The following CHM variants were observed in gnomAD, a reference collection of about 807,000 sequenced individuals.
The protein encoded by CHM is CHM Rab escort protein, also known as rab proteins geranylgeranyltransferase component A 1.
In CHM, 10 loss-of-function variants were observed where a neutral mutation model predicts 49.0. That is an observed-to-expected ratio of 0.20 (90% confidence interval 0.13 to 0.35). The LOEUF (loss-of-function observed/expected upper bound fraction) is 0.35. Among genes scored for constraint, CHM ranks in the 10% least tolerant of loss-of-function variants. CHM has a pLI of 1.00. For synonymous variants in CHM, 184 were observed against 167.5 expected, an observed-to-expected ratio of 1.10 and a Z score of -0.76; for missense variants, 455 against 478.4, an observed-to-expected ratio of 0.95 and a Z score of 0.46.
chrX:85,885,107 T>C (rs1404969679), intron 12 of CHM, among the ~76,000 whole-genome samples: 1 of 110,440 alleles, frequency 9.1e-6, no homozygotes, highest in East Asian at 2.8e-4. Context: ...ATGGACGAAT[T>C]TGAGTAGTAG....
At chrX:85,980,767 C>T (rs113800143) in intron 3 of CHM, among the ~76,000 whole-genome samples, 4,563 of 110,915 alleles carry the variant, frequency 0.041, 253 homozygotes, top group African/African-American at 0.14. Context: ...TAAAAGTTGG[C>T]AAGCTCCATA....
intron 8 of CHM, among the ~76,000 whole-genome samples, chrX:85,913,313 C>CAAAAAA (rs1169192160): frequency 1.2e-4 from 1 of 8,056 alleles, no homozygotes; most frequent in African/African-American, 3.9e-4. Context: ...AAGACTCTGT[C>CAAAAAA]AAAAAAAAAA....
At chrX:85,911,440 G>GA (rs1257837258) in intron 8 of CHM, 102 bp from the exon 9 acceptor site, 5 of 332,806 alleles carry the variant, frequency 1.5e-5, no homozygotes, top group South Asian at 1.4e-4. Context: ...TGGTATTACA[G>GA]AAAAAACATT....
intron 3 of CHM, among the ~76,000 whole-genome samples, chrX:85,980,012 A>T (rs914102330): frequency 4.5e-5 from 5 of 111,830 alleles, no homozygotes; most frequent in Non-Finnish European, 7.5e-5. Flanking sequence ...GGGAATGGAG[A>T]GACAAAGACA....
chrX:86,007,426 A>C (rs1189805988), intron 2 of CHM, among the ~76,000 whole-genome samples: 3 of 111,824 alleles, frequency 2.7e-5, no homozygotes, highest in Admixed American at 9.5e-5. Context: ...TAATTAAACT[A>C]AAGAGCTTCT....
intron 4 of CHM, among the ~76,000 whole-genome samples, chrX:85,971,871 C>G (rs1319527582): frequency 9.0e-6 from 1 of 111,163 alleles, no homozygotes; most frequent in African/African-American, 3.3e-5. Flanking sequence ...CAAGGCCCCA[C>G]CAGAGCAGCT....
intron 8 of CHM, among the ~76,000 whole-genome samples, chrX:85,919,741 T>C (rs2148181522): frequency 8.9e-6 from 1 of 112,033 alleles, no homozygotes; most frequent in East Asian, 2.8e-4. Flanking sequence ...AAGTATTTTG[T>C]GCTCTTGGAA....
chrX:85,936,886 T>A (rs1928808917), intron 8 of CHM, among the ~76,000 whole-genome samples: 1 of 111,875 alleles, frequency 8.9e-6, no homozygotes, highest in African/African-American at 3.2e-5. Flanking sequence ...AATAAACACA[T>A]TTCACATACT....
At chrX:85,900,079 T>C (rs772768423) in intron 11 of CHM, among the ~76,000 whole-genome samples, 1 of 111,864 alleles carries the variant, frequency 8.9e-6, no homozygotes, top group African/African-American at 3.2e-5. Context: ...GCATTATTCA[T>C]TGCAGCGAAG....
intron 12 of CHM, among the ~76,000 whole-genome samples, chrX:85,890,745 C>T (rs986592958): frequency 2.7e-5 from 3 of 111,538 alleles, no homozygotes; most frequent in Non-Finnish European, 5.6e-5. Context: ...TACAGTAAAT[C>T]AGTCCCCGTA....
intron 8 of CHM, among the ~76,000 whole-genome samples, chrX:85,939,872 C>T (rs994069343): frequency 8.9e-6 from 1 of 111,822 alleles, no homozygotes; most frequent in Admixed American, 9.5e-5. Flanking sequence ...TTACTTTGTG[C>T]CAGACTACAG....
At chrX:85,946,202 A>C (rs925454928) in intron 8 of CHM, among the ~76,000 whole-genome samples, 3 of 112,750 alleles carry the variant, frequency 2.7e-5, no homozygotes, top group Admixed American at 9.4e-5. Context: ...GGTAGAAAAG[A>C]AAAGCCCATT....
In CHM at chrX:86,027,591, T is replaced by G. The variant is rs750326448; in HGVS notation, c.50-34A>C. The G allele has an allele frequency of 9.0e-6, 10 of 1,107,646 alleles. No individual in the cohort carries two copies. In the African/African-American group the frequency reaches 1.5e-4, roughly 16 times the overall value. 91.3% of individuals were successfully genotyped at this position (1,107,646 alleles called of 1,213,427 possible). On this transcript the variant is annotated intron_variant, in intron 1 of 14. Coordinates refer to ENST00000357749, the MANE Select transcript of CHM (RefSeq NM_000390.4). ...ACACACACCCGTATCATTTAGAATG[T>G]AGAAATATATATATTTTACATAAAA... is the stretch of plus-strand genomic sequence containing the variant.
At chrX:85,885,343 G>A (rs183687233) in intron 12 of CHM, among the ~76,000 whole-genome samples, 5 of 109,150 alleles carry the variant, frequency 4.6e-5, no homozygotes, top group South Asian at 3.9e-4. Context: ...AGATTGTTAT[G>A]GCTAATGAAT....
intron 7 of CHM, among the ~76,000 whole-genome samples, chrX:85,957,092 T>C (rs1344243039): frequency 2.7e-5 from 3 of 112,344 alleles, no homozygotes; most frequent in Non-Finnish European, 5.6e-5. Context: ...TGACAGTACC[T>C]AGTAGACTTG....
At chrX:85,924,089 A>C (rs752100830) in intron 8 of CHM, among the ~76,000 whole-genome samples, 1 of 111,144 alleles carries the variant, frequency 9.0e-6, no homozygotes, top group East Asian at 2.8e-4. Flanking sequence ...TCTTAAGTAC[A>C]ATGAGTAGTA....
intron 8 of CHM, among the ~76,000 whole-genome samples, chrX:85,913,334 AAGAAAGAAAGAAAGAAAG>A (rs1569411135): frequency 1.8e-4 from 11 of 60,276 alleles, no homozygotes; most frequent in African/African-American, 5.9e-4. Flanking sequence ...AAAAAAAAAA[AAGAAAGAAAGAAAGAAAG>A]AAAGAAAGAA....
chrX:85,873,110 T>C lies in CHM; in HGVS notation c.1712A>G (p.Asn571Ser). 8.3e-7 allele frequency: 1 copy of C among 1,207,721 alleles called. No individual in the cohort carries two copies. Among genetic ancestry groups the C allele is most frequent in the Non-Finnish European group, 1.1e-6 (1 of 892,534 alleles). Residue 571 changes from asparagine to serine, a missense_variant, in exon 14 of 15, where the codon AAC becomes AGC. Physicochemically the swap from Asn to Ser is conservative, Grantham distance 46. Coordinates refer to ENST00000357749, the MANE Select transcript of CHM (RefSeq NM_000390.4). ...ATCTGGGCCAGAGCAGACATAAACG[T>C]TGGATGGTAAATCATTATAACAGCT... ...SRSCYNDLPS[N>S]VYVCSGPDCG...
Position 86,010,980 on chromosome X carries a change from C to T in CHM, c.116+16511G>A, listed in dbSNP as rs778131492. ...AATCTACAGATGATCAGCAAGGGAT[C>T]AATGCTTCCTTTATACTAGGCAACT... On this transcript the variant is annotated intron_variant, in intron 2 of 14. Coordinates refer to ENST00000357749, the MANE Select transcript of CHM (RefSeq NM_000390.4). Among the ~76,000 whole-genome samples the T allele has an allele frequency of 1.5e-3, 169 of 111,458 alleles. 2 individuals are homozygous for T. The highest frequency in any genetic ancestry group is 2.8e-3 in the Non-Finnish European group (148 of 53,113).
Sources: allele counts gnomAD v4.1 joint callset (sites outside exome capture counted in the v4.1 genomes callset), GRCh38; gene constraint gnomAD v4.1.1; transcripts MANE v1.5; gene names NCBI Gene and HGNC (gene_info 2026-07-23, HGNC 2026-07-21).